Variants in KAZN observed in about 807,000 individuals in gnomAD.
KAZN encodes the protein kazrin, periplakin interacting protein.
A neutral mutation model predicts 87.4 loss-of-function variants in KAZN; 40 were observed. The ratio of observed to expected loss-of-function variants is 0.46; its 90% CI spans 0.36 to 0.60. The LOEUF is 0.60. KAZN is among the 20% of genes least tolerant of loss of function. KAZN has a pLI of 0.00. For missense variants in KAZN, 898 were observed against 1,073.9 expected, an observed-to-expected ratio of 0.84 and a Z score of 2.29; for synonymous variants, 466 against 458.3, an observed-to-expected ratio of 1.02 and a Z score of -0.22.
intron 2 of KAZN, among the ~76,000 whole-genome samples, chr1:14,435,963 T>G (rs1666361189): frequency 6.6e-6 from 1 of 152,190 alleles, no homozygotes; most frequent in Non-Finnish European, 1.5e-5. Flanking sequence ...ACACAAACTA[T>G]GTCAAGGAAT....
At chr1:14,618,041 A>G (rs1401198507) in intron 1 of KAZN, among the ~76,000 whole-genome samples, 5 of 152,086 alleles carry the variant, frequency 3.3e-5, no homozygotes, top group Admixed American at 1.3e-4. Flanking sequence ...TAATTTCTGG[A>G]TTCTTTTTTT....
intron 1 of KAZN, among the ~76,000 whole-genome samples, chr1:14,950,928 C>T (rs1434387634): frequency 6.6e-6 from 1 of 152,080 alleles, no homozygotes; most frequent in East Asian, 1.9e-4. Context: ...GCAGTACCCA[C>T]AGGAGAAAGG....
At chr1:14,845,559 GTGGATGGA>G (rs112956559) in intron 1 of KAZN, among the ~76,000 whole-genome samples, 161 of 145,560 alleles carry the variant, frequency 1.1e-3, no homozygotes, top group African/African-American at 3.4e-3. Context: ...AGATGGGTGG[GTGGATGGA>G]TGGATGGATG....
chr1:15,034,871 G>A lies in KAZN; in HGVS notation c.541G>A (p.Glu181Lys). 1 of 1,613,844 alleles carries A rather than the reference G, an allele frequency of 6.2e-7. No homozygotes were observed. The highest frequency in any genetic ancestry group is 8.5e-7 in the Non-Finnish European group (1 of 1,179,918). The change falls in exon 3 of 15, where the codon GAG becomes AAG. Residue 181 changes from glutamate (E) to lysine (K), a missense_variant. Around this residue, in one of 3 missense-constraint regions of KAZN, gnomAD observed 250 missense variants for 263.0 expected, o/e 0.95. Transcript: ENST00000376030. ...EQLRDFIRNY[E>K]QHRKESEDAV... The stretch of plus-strand genomic sequence containing the variant: ...GCTCCGAGACTTCATCCGCAACTAT[G>A]AGCAGCACCGCAAGGTCAGCCGCCG...
At chr1:14,066,872 C>G (rs1346118956) in intron 1 of KAZN, among the ~76,000 whole-genome samples, 1 of 152,204 alleles carries the variant, frequency 6.6e-6, no homozygotes, top group African/African-American at 2.4e-5. Context: ...CAGCAAAATC[C>G]CTGCCCTCTG....
Position 15,059,468 on chromosome 1 carries a change from G to A in KAZN, c.917-704G>A, listed in dbSNP as rs537582247. 9.8e-5 allele frequency among the ~76,000 whole-genome samples: 15 copies of A among 152,288 alleles called. No homozygotes were observed. The South Asian group carries it at 2.7e-3, about 27-fold the overall frequency. The stretch of plus-strand genomic sequence containing the variant: ...GGGCCGTGGCACATCAGGCCACCTC[G>A]GAGGCCAGGAGGAAGAGAGATGAGA... On this transcript the variant is annotated intron_variant, in intron 5 of 14. Coordinates refer to ENST00000376030, the MANE Select transcript of KAZN (RefSeq NM_201628.3).
chr1:14,434,795 G>A (rs935335762), intron 2 of KAZN, among the ~76,000 whole-genome samples: 1 of 151,958 alleles, frequency 6.6e-6, no homozygotes, highest in East Asian at 1.9e-4. Context: ...ATGGGGCACT[G>A]TCTGCTTTTC....
At chr1:14,536,874 C>T (rs922299835) in intron 2 of KAZN, among the ~76,000 whole-genome samples, 2 of 151,720 alleles carry the variant, frequency 1.3e-5, no homozygotes, top group Admixed American at 6.6e-5. Context: ...ACAAGCGAAA[C>T]TCCGTCTCAA....
chr1:14,891,992 G>A (rs1033115958), intron 1 of KAZN, among the ~76,000 whole-genome samples: 2 of 152,124 alleles, frequency 1.3e-5, no homozygotes, highest in Non-Finnish European at 2.9e-5. Flanking sequence ...CTATGACCCA[G>A]AAGCTACTGG....
At chr1:14,254,417 C>T (rs531151882) in intron 2 of KAZN, among the ~76,000 whole-genome samples, 8 of 152,296 alleles carry the variant, frequency 5.3e-5, no homozygotes, top group Non-Finnish European at 7.4e-5. Context: ...AAGCTGCACT[C>T]GACCATTCCT....
At chr1:15,023,479 C>T (rs372372891) in intron 2 of KAZN, among the ~76,000 whole-genome samples, 2 of 151,906 alleles carry the variant, frequency 1.3e-5, no homozygotes, top group South Asian at 2.1e-4. Context: ...GCAGAGGTCC[C>T]GAGGAAGGAG....
intron 1 of KAZN, among the ~76,000 whole-genome samples, chr1:14,743,301 G>A (rs1463142089): frequency 2.0e-5 from 3 of 151,902 alleles, no homozygotes. Context: ...GTGGTGACAC[G>A]TGCCTGTAAT....
intron 1 of KAZN, among the ~76,000 whole-genome samples, chr1:14,174,516 A>C (rs150909761): frequency 3.0e-4 from 45 of 152,298 alleles, no homozygotes; most frequent in Non-Finnish European, 5.0e-4. Flanking sequence ...TAAATGGCTA[A>C]ACATCTGCTT....
intron 2 of KAZN, among the ~76,000 whole-genome samples, chr1:14,232,374 T>G (rs1647946220): frequency 6.6e-6 from 1 of 152,160 alleles, no homozygotes. Flanking sequence ...TCTCATTCCT[T>G]AGGTTTTAGA....
intron 2 of KAZN, among the ~76,000 whole-genome samples, chr1:14,499,740 C>T (rs1670140148): frequency 6.6e-6 from 1 of 152,162 alleles, no homozygotes; most frequent in South Asian, 2.1e-4. Flanking sequence ...GACTGATGGC[C>T]ACAGTCCTGG....
intron 1 of KAZN, among the ~76,000 whole-genome samples, chr1:14,142,759 A>C (rs867882800): frequency 6.6e-6 from 1 of 152,174 alleles, no homozygotes. Context: ...TCTCCTCCTC[A>C]TTTAAGATGG....
intron 1 of KAZN, among the ~76,000 whole-genome samples, chr1:14,885,356 C>T (rs1302293582): frequency 2.6e-5 from 4 of 152,080 alleles, no homozygotes; most frequent in African/African-American, 7.2e-5. Context: ...CTGCTGAGAA[C>T]ATCCTTCCCC....
At chr1:14,257,619 C>A (rs1462271565) in intron 2 of KAZN, among the ~76,000 whole-genome samples, 12 of 148,296 alleles carry the variant, frequency 8.1e-5, no homozygotes, top group African/African-American at 3.0e-4. Flanking sequence ...ACGTTTAAAT[C>A]TTTAATCCAT....
intron 2 of KAZN, among the ~76,000 whole-genome samples, chr1:14,414,542 G>C (rs750539398): frequency 3.3e-5 from 5 of 152,150 alleles, no homozygotes; most frequent in Middle Eastern, 3.2e-3. Context: ...ATAAGTTTCA[G>C]AATGATTTAT....
Sources: gnomAD v4.1 joint callset for allele counts (sites outside exome capture counted in the v4.1 genomes callset) on GRCh38, gnomAD v4.1.1 for gene constraint, gnomAD v4.1.1 regional missense constraint, MANE v1.5 for transcripts, NCBI Gene and HGNC (gene_info 2026-07-23, HGNC 2026-07-21) for gene names.